The following ZMIZ2 variants were observed in gnomAD, a reference collection of about 807,000 sequenced individuals.
ZMIZ2 encodes zinc finger MIZ-type containing 2.
In ZMIZ2, 26 loss-of-function variants were observed where a neutral mutation model predicts 93.9. The observed-to-expected ratio is 0.28, with a 90% CI of 0.20 to 0.38. The LOEUF is 0.38. Ranked by LOEUF, ZMIZ2 falls within the 10% of genes least tolerant of loss-of-function variation. The pLI is 1.00. For synonymous variants in ZMIZ2, 485 were observed against 516.4 expected (o/e 0.94, Z 0.82); for missense variants, 1,023 against 1,235.0 (o/e 0.83, Z 2.57).
At chr7:44,757,698 G>A (rs1790734437) in intron 5 of ZMIZ2, 137 bp downstream of exon 5, 1 of 1,448,116 alleles carries the variant, frequency 6.9e-7, no homozygotes, top group Non-Finnish European at 9.1e-7. Context: ...AGAGATGTGT[G>A]GGAAGGAGTG....
In ZMIZ2 at chr7:44,756,493, C is replaced by A; in HGVS notation, c.119C>A (p.Ser40Tyr). 2 of 1,614,072 alleles carry A rather than the reference C, an allele frequency of 1.2e-6. No homozygotes were observed. The highest frequency in any genetic ancestry group is 1.7e-6 in the Non-Finnish European group (2 of 1,180,028). Residue 40 changes from serine to tyrosine, a missense_variant, in exon 3 of 19, where the codon TCT (serine) becomes TAT (tyrosine). Coordinates refer to ENST00000309315, the MANE Select transcript of ZMIZ2 (RefSeq NM_031449.4). ...GCCACTCAGCCGGCTGGATCGCTGT[C>A]TGTGGTCACTACTGTGTGGGGAGTT... ...QSATQPAGSL[S>Y]VVTTVWGVGN... is the part of the protein sequence containing the mutation.
chr7:44,762,871 T>A lies in ZMIZ2; in HGVS notation c.1597-10T>A. 6.3e-7 allele frequency: 1 copy of A among 1,597,032 alleles called. No individual in the cohort carries two copies. Among genetic ancestry groups the A allele is most frequent in the Non-Finnish European group, 8.6e-7 (1 of 1,168,206 alleles). ...AGTCCCCCTGATGACATCCTCCCGT[T>A]GTATTGCAGTCCCACCTCTTCGTGC... On this transcript the variant is annotated splice_polypyrimidine_tract_variant and intron_variant, in intron 11 of 18. Coordinates refer to ENST00000309315, the MANE Select transcript of ZMIZ2 (RefSeq NM_031449.4).
At position 44,767,524 on chromosome 7, in the gene ZMIZ2, G is replaced by A. The variant is rs558877764; in HGVS notation, c.2664G>A (p.Pro888=). The A allele has an allele frequency of 1.6e-5, 26 of 1,614,080 alleles. No individual in the cohort carries two copies. The South Asian group carries it at 1.6e-4, about 10-fold the overall frequency. The change falls in exon 19 of 19, where the codon CCG becomes CCA. Residue 888 remains proline, a synonymous_variant. Coordinates refer to ENST00000309315, the MANE Select transcript of ZMIZ2 (RefSeq NM_031449.4). ...EAPEPALDLL[P]ELTNPDELLS... is the part of the protein sequence containing the mutation. ...GTTCACTTTGTCCTCAGCTGCTCCC[G>A]GAACTGACCAACCCTGATGAGCTAC...
intron 14 of ZMIZ2, 117 bp downstream of exon 14, chr7:44,764,603 T>C (rs1356889594): frequency 3.4e-6 from 4 of 1,182,068 alleles, no homozygotes; most frequent in Non-Finnish European, 4.9e-6. Context: ...AGTCACTGCA[T>C]GGACTGGGGT....
chr7:44,756,759 C>A, intron 3 of ZMIZ2, 188 bp from the exon 4 acceptor site: 2 of 815,384 alleles, frequency 2.5e-6, no homozygotes, highest in Non-Finnish European at 3.9e-6. Context: ...CCTGTCTTCA[C>A]CTAGCCTTCA....
intron 11 of ZMIZ2, 32 bp from the exon 12 acceptor site, chr7:44,762,849 C>G (rs762962795): frequency 8.9e-6 from 14 of 1,569,192 alleles, no homozygotes; most frequent in Non-Finnish European, 1.2e-5. Flanking sequence ...TGGCCCAAGT[C>G]CCCCTGATGA....
Position 44,761,987 on chromosome 7 carries a change from G to A in ZMIZ2, c.1596+82G>A. 2 of 1,402,784 alleles carry A rather than the reference G, an allele frequency of 1.4e-6. No individual in the cohort carries two copies. Among genetic ancestry groups the A allele is most frequent in the Non-Finnish European group, 1.9e-6 (2 of 1,072,730 alleles). The allele number at this position is 1,402,784 out of a possible 1,614,324, so 86.9% of individuals were successfully genotyped here. A position where few individuals can be genotyped will look rare whatever the true frequency, so the allele number is the denominator to read the frequency against. ...CCTGGCCCAGCGGTGCCGTGGGGTG[G>A]GGCGGGGTGTGGGCGGGGCCTGGCC... On this transcript the variant is annotated intron_variant, in intron 11 of 18. Transcript: ENST00000309315. The surrounding 1 kb of genome is among the most constrained non-coding windows in gnomAD (Gnocchi z 5.8).
At chr7:44,753,819 A>G (rs963512832) in intron 1 of ZMIZ2, among the ~76,000 whole-genome samples, 4 of 152,226 alleles carry the variant, frequency 2.6e-5, no homozygotes, top group African/African-American at 7.2e-5. Flanking sequence ...AGTTAAATCT[A>G]TAAACCATTT....
chr7:44,761,591 G>A lies in ZMIZ2; in HGVS notation c.1383G>A (p.Met461Ile), dbSNP rs749240465. 5 of 1,613,924 alleles carry A rather than the reference G, an allele frequency of 3.1e-6. No homozygotes were observed. The highest frequency in any genetic ancestry group is 1.1e-5 in the South Asian group (1 of 91,076). Residue 461 changes from methionine (M) to isoleucine (I), a missense_variant and splice_region_variant, in exon 10 of 19, where the codon ATG (methionine) becomes ATA (isoleucine). Around this residue, in one of 3 missense-constraint regions of ZMIZ2, gnomAD observed 656 missense variants for 777.1 expected, o/e 0.84. Coordinates refer to ENST00000309315, the MANE Select transcript of ZMIZ2 (RefSeq NM_031449.4). This position sits in a 1 kb window ranked among gnomAD's most constrained non-coding sequence, Gnocchi z 5.8. ...ACTCAGTCTACAAGACCCTGATAAT[G>A]AGGTGAGCTCCGCCTGGCCCCCACC... ...LRDSVYKTLI[M>I]RPDLELQFKC...
rs558409858 is a variant in ZMIZ2, at chr7:44,756,153, A to G, written c.-62-35A>G. 5.1e-6 allele frequency: 8 copies of G among 1,567,740 alleles called. No individual in the cohort carries two copies. In the South Asian group the frequency reaches 8.9e-5, roughly 18 times the overall value. ...CCTGCTGAAAGGGTCTCCTGGCTGC[A>G]TCGCAGCTAACATCCCTTCCTTCCT... is the stretch of plus-strand genomic sequence containing the variant. On this transcript the variant is annotated intron_variant, in intron 1 of 18. Transcript: ENST00000309315.
In ZMIZ2 at chr7:44,759,886, T is replaced by C. The variant is rs1583635021; in HGVS notation, c.994-265T>C. On this transcript the variant is annotated intron_variant, in intron 7 of 18. Coordinates refer to ENST00000309315, the MANE Select transcript of ZMIZ2 (RefSeq NM_031449.4). ...GGTGCATGGGCAGAGCCTACCTCCC[T>C]GGGAGCCTGGGTGCGCCGGGTGGTG... 44 of 540,120 alleles carry C rather than the reference T, an allele frequency of 8.1e-5. No individual in the cohort carries two copies. In the East Asian group the frequency reaches 1.5e-3, roughly 18 times the overall value. The allele number at this position is 540,120 out of a possible 1,614,324, so 33.5% of individuals were successfully genotyped here.
chr7:44,759,122 TGAGA>T (rs1790907705), intron 6 of ZMIZ2, among the ~76,000 whole-genome samples, 155 bp from the exon 7 acceptor site: 1 of 147,658 alleles, frequency 6.8e-6, no homozygotes, highest in African/African-American at 2.5e-5. Context: ...CTTCTGCATG[TGAGA>T]ACTGCCTGTG....
At chr7:44,754,799 A>G (rs1381880743) in intron 1 of ZMIZ2, among the ~76,000 whole-genome samples, 1 of 152,174 alleles carries the variant, frequency 6.6e-6, no homozygotes, top group Non-Finnish European at 1.5e-5. Context: ...AAAAGGGAGT[A>G]GTATCCAAGG....
intron 6 of ZMIZ2, 45 bp downstream of exon 6, chr7:44,758,153 C>T: frequency 6.7e-7 from 1 of 1,496,416 alleles, no homozygotes; most frequent in Non-Finnish European, 8.9e-7. Context: ...GTACCAACTC[C>T]CTCACCCAGG....
At position 44,766,475 on chromosome 7, in the gene ZMIZ2, C is replaced by T; in HGVS notation, c.2467C>T (p.His823Tyr). Reference protein sequence around the residue: ...PTHNPGTPGLHTSNLGAPPGP... With the variant: ...PTHNPGTPGLYTSNLGAPPGP... Reference sequence around the variant, plus strand: ...TCACAATCCTGGGACACCAGGACTACACACCTCCAACCTTGGGGCCCCTCC... The same window carrying T: ...TCACAATCCTGGGACACCAGGACTATACACCTCCAACCTTGGGGCCCCTCC... The change falls in exon 18 of 19, where the codon CAC becomes TAC. Residue 823 changes from histidine to tyrosine, a missense_variant. Physicochemically the swap from His to Tyr is moderately conservative, Grantham distance 83. This residue lies in a region of ZMIZ2 where 319 missense variants were observed against 358.8 expected (regional missense o/e 0.89). Coordinates refer to ENST00000309315, the MANE Select transcript of ZMIZ2 (RefSeq NM_031449.4). The surrounding 1 kb of genome is among the most constrained non-coding windows in gnomAD (Gnocchi z 4.4). 6.2e-7 allele frequency: 1 copy of T among 1,614,214 alleles called. No homozygotes were observed. The highest frequency in any genetic ancestry group is 1.7e-5 in the Admixed American group (1 of 60,030).
chr7:44,760,062 C>G, intron 7 of ZMIZ2, 89 bp from the exon 8 acceptor site: 3 of 1,325,258 alleles, frequency 2.3e-6, no homozygotes, highest in South Asian at 1.2e-5. Context: ...TAAAGAAGAC[C>G]GTGTATGGTG....
chr7:44,755,189 T>G (rs1790487157), intron 1 of ZMIZ2, among the ~76,000 whole-genome samples: 1 of 152,204 alleles, frequency 6.6e-6, no homozygotes, highest in African/African-American at 2.4e-5. Context: ...CCCCCTCTGC[T>G]GCCCTGTCCT....
rs201000572 is a variant in ZMIZ2, at chr7:44,766,680, A to G, written c.2655+17A>G. 7.5e-5 allele frequency: 121 copies of G among 1,610,402 alleles called. 1 individual carries two copies. In the African/African-American group the frequency reaches 1.5e-3, roughly 20 times the overall value. The stretch of plus-strand genomic sequence containing the variant: ...GCTCTGGACGTGAGTACCAGGCCCC[A>G]TGCGGGGGAGTGCGTGGGAGCCAGG... On this transcript the variant is annotated intron_variant, in intron 18 of 18. Transcript: ENST00000309315. This position sits in a 1 kb window ranked among gnomAD's most constrained non-coding sequence, Gnocchi z 4.4.
rs1052871151 is a variant in ZMIZ2 at position 44,769,303 on chromosome 7, C to T, written c.*1680C>T. Reference sequence around the variant, plus strand: ...CTCAGGCTGGCGGCCAAGGCCTGCCCCTGGAGGCACTAGAGGAGGGCATCT... The same window carrying T: ...CTCAGGCTGGCGGCCAAGGCCTGCCTCTGGAGGCACTAGAGGAGGGCATCT... On this transcript the variant is annotated 3_prime_UTR_variant, in exon 19 of 19. Coordinates refer to ENST00000309315, the MANE Select transcript of ZMIZ2 (RefSeq NM_031449.4). 1 of 152,746 alleles carries T rather than the reference C, an allele frequency of 6.5e-6. No homozygotes were observed. The highest frequency in any genetic ancestry group is 2.4e-5 in the African/African-American group (1 of 41,456). 9.5% of individuals were successfully genotyped at this position (152,746 alleles called of 1,614,324 possible).
Sources: allele counts gnomAD v4.1 joint callset (sites outside exome capture counted in the v4.1 genomes callset), GRCh38; gene constraint gnomAD v4.1.1; regional missense constraint gnomAD v4.1.1; non-coding constraint Gnocchi (gnomAD v3.1); transcripts MANE v1.5; gene names NCBI Gene and HGNC (gene_info 2026-07-23, HGNC 2026-07-21).